The following IFT81 variants were observed in gnomAD, a reference collection of about 807,000 sequenced individuals.
IFT81 encodes intraflagellar transport protein 81 homolog.
IFT81 carries 72 observed loss-of-function variants against 102.6 expected under a neutral mutation model. That is an observed-to-expected ratio of 0.70 (90% CI 0.58 to 0.85). The LOEUF is 0.85. Among genes scored for constraint, IFT81 ranks in the 40% least tolerant of loss-of-function variants. IFT81 has a pLI of 0.00. For synonymous variants in IFT81, 237 were observed against 242.7 expected (o/e 0.98, Z 0.22); for missense variants, 723 against 787.3 (o/e 0.92, Z 0.98).
chr12:110,155,281 G>A (rs1282031107), intron 10 of IFT81, among the ~76,000 whole-genome samples: 1 of 151,978 alleles, frequency 6.6e-6, no homozygotes, highest in African/African-American at 2.4e-5. Context: ...TGAGTCTCCT[G>A]TAGACAGCAT....
At chr12:110,132,277 T>C (rs1353460499) in intron 4 of IFT81, among the ~76,000 whole-genome samples, 1 of 151,898 alleles carries the variant, frequency 6.6e-6, no homozygotes, top group Non-Finnish European at 1.5e-5. Context: ...AGCCTGAACA[T>C]GGTGAAACCC....
At chr12:110,173,450 C>A (rs916204892) in intron 11 of IFT81, among the ~76,000 whole-genome samples, 22 of 152,144 alleles carry the variant, frequency 1.4e-4, no homozygotes, top group Non-Finnish European at 2.5e-4. Context: ...GCCACCATCC[C>A]GTCTGGGAGG....
chr12:110,207,173 G>C (rs900776724), intron 17 of IFT81, among the ~76,000 whole-genome samples: 1 of 152,080 alleles, frequency 6.6e-6, no homozygotes, highest in African/African-American at 2.4e-5. Flanking sequence ...TGGGATTACA[G>C]GCACACGCCA....
Position 110,163,106 on chromosome 12 carries a change from T to C in IFT81, c.1188+41T>C, listed in dbSNP as rs372966424. 9 of 1,546,542 alleles carry C rather than the reference T, an allele frequency of 5.8e-6. No individual in the cohort carries two copies. In the African/African-American group the frequency reaches 6.9e-5, roughly 12 times the overall value. Reference sequence around the variant, plus strand: ...TCATGGGACAAGGGTATGAGTATTGTTTTTATGTGAAACTATTAGTGTGTT... The same window carrying C: ...TCATGGGACAAGGGTATGAGTATTGCTTTTATGTGAAACTATTAGTGTGTT... On this transcript the variant is annotated intron_variant, in intron 11 of 18. Coordinates refer to ENST00000242591, the MANE Select transcript of IFT81 (RefSeq NM_014055.4).
chr12:110,204,134 A>G (rs1055058080), intron 15 of IFT81, 184 bp downstream of exon 15: 13 of 511,300 alleles, frequency 2.5e-5, no homozygotes, highest in Non-Finnish European at 4.5e-5. Context: ...TCTCTCTAAA[A>G]AAAATGTTTT....
intron 17 of IFT81, among the ~76,000 whole-genome samples, chr12:110,206,965 C>T (rs757287633): frequency 7.3e-5 from 11 of 151,074 alleles, no homozygotes; most frequent in East Asian, 1.9e-4. Flanking sequence ...CCAAAGTTAT[C>T]GATATAAATA....
intron 10 of IFT81, among the ~76,000 whole-genome samples, chr12:110,148,086 G>A (rs1895324785): frequency 6.6e-6 from 1 of 151,982 alleles, no homozygotes; most frequent in Non-Finnish European, 1.5e-5. Context: ...GTCCCAGAAA[G>A]TTTGTCTCTT....
chr12:110,172,017 A>G (rs1295955602), intron 11 of IFT81: 1 of 152,260 alleles, frequency 6.6e-6, no homozygotes, highest in African/African-American at 2.4e-5. Flanking sequence ...AATAGCATGG[A>G]TGTTGGACTA....
At chr12:110,127,970 A>G (rs900988300) in intron 2 of IFT81, 76 bp from the exon 3 acceptor site, 37 of 1,032,640 alleles carry the variant, frequency 3.6e-5, no homozygotes, top group Non-Finnish European at 5.3e-5. Context: ...TAGCAGAACA[A>G]TTTTGTCAGT....
intron 12 of IFT81, among the ~76,000 whole-genome samples, chr12:110,182,737 C>T (rs1897359329): frequency 6.6e-6 from 1 of 152,140 alleles, no homozygotes; most frequent in Non-Finnish European, 1.5e-5. Context: ...GTGTCAAGGG[C>T]CTCTTAATGT....
chr12:110,191,830 C>A (rs887017882), intron 13 of IFT81, among the ~76,000 whole-genome samples: 1 of 152,000 alleles, frequency 6.6e-6, no homozygotes, highest in African/African-American at 2.4e-5. Context: ...TCCCCCAGAA[C>A]CCTCTGGATC....
chr12:110,151,240 C>T (rs1895508761), intron 10 of IFT81, among the ~76,000 whole-genome samples: 2 of 152,188 alleles, frequency 1.3e-5, no homozygotes, highest in East Asian at 3.8e-4. Flanking sequence ...ATAGATTTGC[C>T]TGTCATGCAC....
At chr12:110,159,955 A>G (rs1463216927) in intron 10 of IFT81, among the ~76,000 whole-genome samples, 1 of 152,176 alleles carries the variant, frequency 6.6e-6, no homozygotes, top group Non-Finnish European at 1.5e-5. Flanking sequence ...CAACAATTAC[A>G]CTGGTAGAAT....
intron 18 of IFT81, among the ~76,000 whole-genome samples, chr12:110,209,889 A>G (rs377326025): frequency 1.3e-5 from 2 of 152,168 alleles, no homozygotes; most frequent in East Asian, 1.9e-4. Flanking sequence ...CTTTACAAAC[A>G]TTGATTTATT....
At chr12:110,149,024 A>C (rs997596450) in intron 10 of IFT81, among the ~76,000 whole-genome samples, 20 of 152,182 alleles carry the variant, frequency 1.3e-4, no homozygotes, top group Admixed American at 1.3e-3. Flanking sequence ...CAGTATCCTT[A>C]ATGATGCTCA....
At chr12:110,174,552 T>C (rs1896959205) in intron 11 of IFT81, among the ~76,000 whole-genome samples, 1 of 152,168 alleles carries the variant, frequency 6.6e-6, no homozygotes, top group African/African-American at 2.4e-5. Flanking sequence ...GCTAATTACT[T>C]TGAAAATCAT....
At chr12:110,166,440 TA>T (rs1896439776) in intron 11 of IFT81, among the ~76,000 whole-genome samples, 1 of 152,126 alleles carries the variant, frequency 6.6e-6, no homozygotes, top group Non-Finnish European at 1.5e-5. Context: ...ACTTAAAAAA[TA>T]TAGCTTTAGT....
chr12:110,173,242 G>A (rs547740670), intron 11 of IFT81, among the ~76,000 whole-genome samples: 2 of 147,984 alleles, frequency 1.4e-5, no homozygotes, highest in African/African-American at 5.0e-5. Flanking sequence ...CCGGCCAGCC[G>A]CCCCGTCCGG....
intron 12 of IFT81, among the ~76,000 whole-genome samples, chr12:110,187,535 G>A (rs1345672900): frequency 6.6e-6 from 1 of 152,150 alleles, no homozygotes; most frequent in Non-Finnish European, 1.5e-5. Flanking sequence ...AAAGTGATGG[G>A]ATTACATGCA....
Sources: gnomAD v4.1 joint callset for allele counts (sites outside exome capture counted in the v4.1 genomes callset) on GRCh38, gnomAD v4.1.1 for gene constraint, MANE v1.5 for transcripts, NCBI Gene and HGNC (gene_info 2026-07-23, HGNC 2026-07-21) for gene names.